Variants in CARNMT1 observed in about 807,000 individuals in gnomAD.
The protein encoded by CARNMT1 is protein-L-histidine N-pros-methyltransferase CARNMT1.
CARNMT1 carries 28 observed loss-of-function variants against 49.6 expected under a neutral mutation model. The ratio of observed to expected loss-of-function variants is 0.56; its 90% CI spans 0.42 to 0.77. CARNMT1 has a LOEUF of 0.77. CARNMT1 is among the 30% of genes least tolerant of loss of function. The pLI, the probability that CARNMT1 is intolerant of heterozygous loss-of-function variation, is 0.00. For missense variants in CARNMT1, 421 were observed against 512.6 expected (o/e 0.82, Z 1.73); for synonymous variants, 178 against 175.0 (o/e 1.02, Z -0.13).
At chr9:75,025,995 T>C (rs1157912325) in intron 1 of CARNMT1, among the ~76,000 whole-genome samples, 2 of 152,202 alleles carry the variant, frequency 1.3e-5, no homozygotes, top group African/African-American at 4.8e-5. Context: ...GATCACAAAA[T>C]ATTAGAATGT....
At chr9:75,011,643 T>C (rs868353869) in intron 3 of CARNMT1, among the ~76,000 whole-genome samples, 4 of 152,152 alleles carry the variant, frequency 2.6e-5, no homozygotes, top group African/African-American at 7.2e-5. Context: ...ACTGGGATTA[T>C]AGACATGAGC....
intron 6 of CARNMT1, among the ~76,000 whole-genome samples, chr9:74,992,453 C>A (rs953469010): frequency 6.6e-6 from 1 of 152,090 alleles, no homozygotes; most frequent in African/African-American, 2.4e-5. Flanking sequence ...TAAATGCCTG[C>A]CCTCCACTAC....
In CARNMT1 at chr9:75,016,445, A is replaced by G. The variant is rs1259983618; in HGVS notation, c.427-14T>C. 9.3e-6 allele frequency: 15 copies of G among 1,612,770 alleles called. No individual in the cohort carries two copies. The highest frequency in any genetic ancestry group is 7.6e-6 in the Non-Finnish European group (9 of 1,179,494). ...CTTTCCATTCCCCTGTTTAAAAAAC[A>G]GACATCAATTAGCTTCTGAGAGAGT... On this transcript the variant is annotated splice_polypyrimidine_tract_variant and intron_variant, in intron 2 of 7. Transcript: ENST00000376834.
intron 1 of CARNMT1, chr9:75,027,589 T>C: frequency 2.3e-6 from 1 of 429,026 alleles, no homozygotes; most frequent in Non-Finnish European, 3.1e-6. Context: ...CACGCGTAGG[T>C]GAACTTGGGC....
intron 3 of CARNMT1, among the ~76,000 whole-genome samples, chr9:75,003,634 T>G (rs997123737): frequency 6.6e-6 from 1 of 152,254 alleles, no homozygotes; most frequent in Non-Finnish European, 1.5e-5. Flanking sequence ...ACTGCATGAC[T>G]GTAACATAAT....
chr9:74,990,105 T>C (rs980778853), intron 6 of CARNMT1, among the ~76,000 whole-genome samples: 2 of 152,138 alleles, frequency 1.3e-5, no homozygotes, highest in Non-Finnish European at 2.9e-5. Context: ...GTTACATATT[T>C]TAATGCTAAA....
At chr9:75,007,129 T>C (rs1050409337) in intron 3 of CARNMT1, among the ~76,000 whole-genome samples, 2 of 152,232 alleles carry the variant, frequency 1.3e-5, no homozygotes, top group Non-Finnish European at 2.9e-5. Context: ...ACCTGGACTT[T>C]ATAGAAAGTA....
Position 74,984,958 on chromosome 9 carries a change from C to T in CARNMT1, c.1077G>A (p.Leu359=). 1 of 1,613,850 alleles carries T rather than the reference C, an allele frequency of 6.2e-7. No individual in the cohort carries two copies. Among genetic ancestry groups the T allele is most frequent in the Non-Finnish European group, 8.5e-7 (1 of 1,179,902 alleles). Residue 359 remains leucine, a synonymous_variant, in exon 7 of 8, where the codon TTG becomes TTA. Coordinates refer to ENST00000376834, the MANE Select transcript of CARNMT1 (RefSeq NM_152420.3). The part of the protein sequence containing the change: ...ENLANELSIE[L]SYEDIKNVVL... ...CAACGTTTTTTATATCCTCATAGCT[C>T]AATTCTATGGAAAGTTCATTTGCCA...
intron 3 of CARNMT1, among the ~76,000 whole-genome samples, chr9:75,010,891 C>T (rs1300927335): frequency 2.6e-5 from 4 of 152,008 alleles, no homozygotes; most frequent in African/African-American, 9.7e-5. Flanking sequence ...TGGATCTACA[C>T]AGTGGTGACA....
At chr9:75,008,178 A>AC (rs1183417575) in intron 3 of CARNMT1, among the ~76,000 whole-genome samples, 14 of 150,190 alleles carry the variant, frequency 9.3e-5, no homozygotes, top group African/African-American at 3.2e-4. Flanking sequence ...TAAAAAAAAA[A>AC]AAAAAAAAAA....
chr9:74,996,174 G>A, intron 6 of CARNMT1: 1 of 243,148 alleles, frequency 4.1e-6, no homozygotes, highest in Non-Finnish European at 7.9e-6. Flanking sequence ...GATAATGAGG[G>A]AATGATTACC....
chr9:74,996,587 ATC>A, intron 5 of CARNMT1, 27 bp from the exon 6 acceptor site: 1 of 1,281,256 alleles, frequency 7.8e-7, no homozygotes. Context: ...AAATTACTGC[ATC>A]TGTTATGTTA....
At chr9:74,988,945 GAAC>G (rs1564091331) in intron 6 of CARNMT1, among the ~76,000 whole-genome samples, 2 of 152,106 alleles carry the variant, frequency 1.3e-5, no homozygotes, top group African/African-American at 4.8e-5. Context: ...CCCACTAACA[GAAC>G]AAGAGCATAT....
chr9:75,003,874 G>A (rs546157241), intron 3 of CARNMT1, among the ~76,000 whole-genome samples: 1 of 152,168 alleles, frequency 6.6e-6, no homozygotes, highest in South Asian at 2.1e-4. Context: ...TTTTTGTTTT[G>A]TTTTGTTCTG....
intron 1 of CARNMT1, chr9:75,027,216 T>A: frequency 9.4e-7 from 1 of 1,063,234 alleles, no homozygotes; most frequent in Non-Finnish European, 1.3e-6. Flanking sequence ...ATTAAGCTAC[T>A]TTAACATCTA....
rs62569586 is a variant in CARNMT1, at chr9:75,003,065, T to C, written c.591-3195A>G. 5.7e-3 allele frequency among the ~76,000 whole-genome samples: 869 copies of C among 152,210 alleles called. 2 individuals carry two copies. The highest frequency in any genetic ancestry group is 0.012 in the Admixed American group (187 of 15,294). On this transcript the variant is annotated intron_variant, in intron 3 of 7. Transcript: ENST00000376834. ...AAATTTTTTTATTCATCATAGAAAA[T>C]TGACTATAAATCAGGAGTGTTTAGC...
Position 74,984,975 on chromosome 9 carries a change from C to A in CARNMT1, c.1060G>T (p.Glu354Ter). Residue 354 changes from glutamate to a stop codon, truncating the protein, a stop_gained, in exon 7 of 8, where the codon GAA (glutamate) becomes TAA (stop). Coordinates refer to ENST00000376834, the MANE Select transcript of CARNMT1 (RefSeq NM_152420.3). LOFTEE classifies it high-confidence loss of function. Reference protein sequence around the residue: ...LLYHFENLANELSIELSYEDI... With the variant: ...LLYHFENLAN ...TCATAGCTCAATTCTATGGAAAGTT[C>A]ATTTGCCAGATTTTCAAAGTGGTAC... 1 of 1,613,832 alleles carries A rather than the reference C, an allele frequency of 6.2e-7. No individual in the cohort carries two copies. Among genetic ancestry groups the A allele is most frequent in the South Asian group, 1.1e-5 (1 of 91,054 alleles).
intron 1 of CARNMT1, among the ~76,000 whole-genome samples, chr9:75,023,377 C>T (rs1487612796): frequency 3.3e-5 from 5 of 152,154 alleles, no homozygotes; most frequent in Admixed American, 1.3e-4. Flanking sequence ...TATATTCCCA[C>T]GGGTGCCACT....
At position 75,021,440 on chromosome 9, in the gene CARNMT1, A is replaced by G. The variant is rs544521006; in HGVS notation, c.231-3992T>C. Among the ~76,000 whole-genome samples, 5 of 145,264 alleles carry G rather than the reference A, an allele frequency of 3.4e-5. No individual in the cohort carries two copies. In the South Asian group the frequency reaches 1.1e-3, roughly 31 times the overall value. On this transcript the variant is annotated intron_variant, in intron 1 of 7. Coordinates refer to ENST00000376834, the MANE Select transcript of CARNMT1 (RefSeq NM_152420.3). ...TATATATAGTATAAATAGTATATATAATATAAATAGTATATATAGGATAAA... is the reference window on the plus strand; with the variant it reads ...TATATATAGTATAAATAGTATATATGATATAAATAGTATATATAGGATAAA...
Sources: gnomAD v4.1 joint callset for allele counts (sites outside exome capture counted in the v4.1 genomes callset) on GRCh38, gnomAD v4.1.1 for gene constraint, MANE v1.5 for transcripts, NCBI Gene and HGNC (gene_info 2026-07-23, HGNC 2026-07-21) for gene names.